PDE3A: variants seen among roughly 807,000 people sequenced by gnomAD.
PDE3A encodes the protein cGMP-inhibited 3',5'-cyclic phosphodiesterase 3A.
Under a neutral mutation model 98.3 loss-of-function variants are expected in PDE3A, and 43 were observed. That is an observed-to-expected ratio of 0.44 (90% CI 0.34 to 0.56). PDE3A has a LOEUF of 0.56. Among genes scored for constraint, PDE3A ranks in the 20% least tolerant of loss-of-function variants. PDE3A has a pLI of 0.01. For synonymous variants in PDE3A, 663 were observed against 567.9 expected, an observed-to-expected ratio of 1.17 and a Z score of -2.38; for missense variants, 1,427 against 1,440.7, an observed-to-expected ratio of 0.99 and a Z score of 0.15.
At chr12:20,491,492 T>C (rs1172922520) in intron 1 of PDE3A, among the ~76,000 whole-genome samples, 3 of 152,266 alleles carry the variant, frequency 2.0e-5, no homozygotes, top group East Asian at 3.9e-4. Context: ...GAAAATTAGA[T>C]TATAACGAAG....
chr12:20,436,058 TG>T (rs1441635692), intron 1 of PDE3A, among the ~76,000 whole-genome samples: 1 of 152,192 alleles, frequency 6.6e-6, no homozygotes, highest in Non-Finnish European at 1.5e-5. Flanking sequence ...AAGTAAGACT[TG>T]TCAACAAACT....
chr12:20,468,766 G>C (rs1196975845), intron 1 of PDE3A, among the ~76,000 whole-genome samples: 5 of 152,196 alleles, frequency 3.3e-5, no homozygotes, highest in African/African-American at 1.2e-4. Flanking sequence ...TTAGTAGTGG[G>C]TTGGCAAGCA....
At chr12:20,651,638 G>A (rs1304038398) in intron 14 of PDE3A, among the ~76,000 whole-genome samples, 1 of 152,024 alleles carries the variant, frequency 6.6e-6, no homozygotes, top group Non-Finnish European at 1.5e-5. Flanking sequence ...TATTGCTAAA[G>A]GTATCCAAAA....
intron 1 of PDE3A, among the ~76,000 whole-genome samples, chr12:20,473,857 G>A (rs1945482732): frequency 6.6e-6 from 1 of 151,976 alleles, no homozygotes. Context: ...TTATACGAAG[G>A]TCCTATAACA....
chr12:20,466,769 TTGAA>T (rs1419866241), intron 1 of PDE3A, among the ~76,000 whole-genome samples: 1 of 152,176 alleles, frequency 6.6e-6, no homozygotes, highest in Non-Finnish European at 1.5e-5. Context: ...TAGACGAAGT[TTGAA>T]TTTTAGGATA....
intron 2 of PDE3A, among the ~76,000 whole-genome samples, chr12:20,612,983 T>C (rs1037726673): frequency 1.3e-5 from 2 of 151,972 alleles, no homozygotes; most frequent in African/African-American, 4.8e-5. Flanking sequence ...TAACTACCAT[T>C]AGCAAAAATA....
chr12:20,512,857 T>A (rs1418565254), intron 1 of PDE3A, among the ~76,000 whole-genome samples: 1 of 152,116 alleles, frequency 6.6e-6, no homozygotes, highest in Non-Finnish European at 1.5e-5. Flanking sequence ...GTAAAGCATA[T>A]TATTTATTAT....
intron 1 of PDE3A, among the ~76,000 whole-genome samples, chr12:20,480,676 C>G (rs1945606524): frequency 6.6e-6 from 1 of 152,156 alleles, no homozygotes; most frequent in Non-Finnish European, 1.5e-5. Flanking sequence ...GATTATGTAA[C>G]TTTGATTTTT....
intron 2 of PDE3A, among the ~76,000 whole-genome samples, chr12:20,604,379 G>GA (rs939806261): frequency 6.6e-6 from 1 of 152,006 alleles, no homozygotes; most frequent in African/African-American, 2.4e-5. Flanking sequence ...ATTGATGAAT[G>GA]AAAAAAACTT....
chr12:20,578,393 A>G (rs751046331), intron 2 of PDE3A, among the ~76,000 whole-genome samples: 22 of 151,876 alleles, frequency 1.4e-4, no homozygotes, highest in Non-Finnish European at 2.2e-4. Context: ...GACATTATTA[A>G]TCACCGTGGC....
rs191897682 is a variant in PDE3A, at chr12:20,430,453, T to C, written c.960+60209T>C. ...TTAGTTCCTGATAAACATCATACCT[T>C]AAATGAGTCTTCTGTTTTTTAACTA... On this transcript the variant is annotated intron_variant, in intron 1 of 15. Coordinates refer to ENST00000359062, the MANE Select transcript of PDE3A (RefSeq NM_000921.5). Among the ~76,000 whole-genome samples, 10 of 152,322 alleles carry C rather than the reference T, an allele frequency of 6.6e-5. No homozygotes were observed. The East Asian group carries it at 1.9e-3, about 29-fold the overall frequency.
chr12:20,466,686 A>C (rs11045266), intron 1 of PDE3A, among the ~76,000 whole-genome samples: 1 of 152,020 alleles, frequency 6.6e-6, no homozygotes, highest in Non-Finnish European at 1.5e-5. Context: ...TGTTCTAGAG[A>C]AATCTAATGT....
intron 3 of PDE3A, 38 bp downstream of exon 3, chr12:20,613,738 A>AT (rs760526756): frequency 9.9e-5 from 150 of 1,520,794 alleles, no homozygotes; most frequent in South Asian, 3.8e-4. Context: ...GGGTTAAACT[A>AT]TTTTTTTTAA....
chr12:20,534,257 C>T (rs994902547), intron 1 of PDE3A, among the ~76,000 whole-genome samples: 1 of 152,192 alleles, frequency 6.6e-6, no homozygotes. Context: ...TCTTACATAA[C>T]CTGTGCCTGG....
chr12:20,509,849 A>T (rs1300938680), intron 1 of PDE3A, among the ~76,000 whole-genome samples: 3 of 152,038 alleles, frequency 2.0e-5, no homozygotes, highest in Non-Finnish European at 4.4e-5. Flanking sequence ...TACTTACTAG[A>T]ATTGGGAGAT....
chr12:20,621,433 G>C, intron 5 of PDE3A, 22 bp downstream of exon 5: 1 of 1,232,786 alleles, frequency 8.1e-7, no homozygotes, highest in Non-Finnish European at 1.2e-6. Context: ...AACTGGAGAA[G>C]GGTTCATACT....
At chr12:20,623,226 T>C (rs1030280179) in intron 5 of PDE3A, among the ~76,000 whole-genome samples, 1 of 151,920 alleles carries the variant, frequency 6.6e-6, no homozygotes, top group East Asian at 1.9e-4. Flanking sequence ...TTAGGAGATA[T>C]AGAAAAATGA....
At chr12:20,578,092 T>C (rs1275923760) in intron 2 of PDE3A, among the ~76,000 whole-genome samples, 2 of 152,226 alleles carry the variant, frequency 1.3e-5, no homozygotes, top group East Asian at 1.9e-4. Context: ...AGATCACTTA[T>C]GCATTAGGTT....
intron 1 of PDE3A, among the ~76,000 whole-genome samples, chr12:20,480,718 C>T (rs76048736): frequency 4.6e-5 from 7 of 152,168 alleles, no homozygotes; most frequent in Admixed American, 2.6e-4. Context: ...GAAGTGAATT[C>T]ATTCAGCTTA....
Sources: gnomAD v4.1 joint callset for allele counts (sites outside exome capture counted in the v4.1 genomes callset) on GRCh38, gnomAD v4.1.1 for gene constraint, MANE v1.5 for transcripts, NCBI Gene and HGNC (gene_info 2026-07-23, HGNC 2026-07-21) for gene names.